Variants in AP3S2 observed in about 807,000 individuals in gnomAD.
The protein encoded by AP3S2 is AP-3 complex subunit sigma-2.
In AP3S2, 22 loss-of-function variants were observed where a neutral mutation model predicts 23.4. The observed-to-expected ratio is 0.94, with a 90% CI of 0.67 to 1.34. The LOEUF (loss-of-function observed/expected upper bound fraction) is 1.34. Among genes scored for constraint, AP3S2 ranks in the 40% most tolerant of loss-of-function variants. AP3S2 has a pLI of 0.00. For synonymous variants in AP3S2, 86 were observed against 87.1 expected (o/e 0.99, Z 0.07); for missense variants, 241 against 236.9 (o/e 1.02, Z -0.11).
At chr15:89,847,582 T>C (rs1199501083) in intron 4 of AP3S2, among the ~76,000 whole-genome samples, 1 of 152,068 alleles carries the variant, frequency 6.6e-6, no homozygotes, top group Non-Finnish European at 1.5e-5. Context: ...TCTTCAAGGG[T>C]TCCATCCCTG....
At chr15:89,859,365 CCTTCCTTCCTTCCTTCCTTCCT>C in intron 4 of AP3S2, among the ~76,000 whole-genome samples, 2 of 107,728 alleles carry the variant, frequency 1.9e-5, no homozygotes, top group Non-Finnish European at 3.6e-5. Context: ...TCCTTCCTTT[CCTTCCTTCCTTCCTTCCTTCCT>C]TTTCTTTCTT....
Position 89,872,961 on chromosome 15 carries a change from G to A in AP3S2, c.274-1415C>T, listed in dbSNP as rs1296581634. ...TTATGTATGCATGCTCTATGATCTA[G>A]GAATTCTACTCCCAGATAACATATC... On this transcript the variant is annotated intron_variant, in intron 3 of 5. Coordinates refer to ENST00000336418, the MANE Select transcript of AP3S2 (RefSeq NM_005829.5). Among the ~76,000 whole-genome samples the A allele has an allele frequency of 2.0e-5, 3 of 152,096 alleles. No homozygotes were observed. The East Asian group carries it at 5.8e-4, about 29-fold the overall frequency.
intron 1 of AP3S2, chr15:89,893,150 G>A (rs761473372): frequency 2.0e-5 from 3 of 152,242 alleles, no homozygotes; most frequent in Admixed American, 6.5e-5. Context: ...GCCTGAACAC[G>A]TTTTCTGGCT....
At chr15:89,851,248 T>G (rs1197446662) in intron 4 of AP3S2, among the ~76,000 whole-genome samples, 1 of 152,096 alleles carries the variant, frequency 6.6e-6, no homozygotes, top group African/African-American at 2.4e-5. Flanking sequence ...GCCTTAAAAC[T>G]AACTGGCAAT....
At position 89,888,904 on chromosome 15, in the gene AP3S2, T is replaced by A. The variant is rs967887670; in HGVS notation, c.161+145A>T. 3.3e-6 allele frequency: 3 copies of A among 919,868 alleles called. No homozygotes were observed. In the African/African-American group the frequency reaches 5.0e-5, roughly 15 times the overall value. 57.0% of individuals were successfully genotyped at this position (919,868 alleles called of 1,614,324 possible). ...AATTGAACTGCGCCCCAAAGAGAAT[T>A]GTGTCTCTCCCTGAGCAGATCATGG... On this transcript the variant is annotated intron_variant, in intron 2 of 5. Transcript: ENST00000336418.
At chr15:89,869,582 A>AAAG (rs1896267529) in intron 4 of AP3S2, among the ~76,000 whole-genome samples, 1 of 150,948 alleles carries the variant, frequency 6.6e-6, no homozygotes. Context: ...AAAAAAAAAA[A>AAAG]AAAAGAAAAC....
At chr15:89,884,772 G>A (rs971999510) in intron 3 of AP3S2, among the ~76,000 whole-genome samples, 25 of 151,370 alleles carry the variant, frequency 1.7e-4, no homozygotes, top group African/African-American at 5.3e-4. Context: ...TCAGCCTCCC[G>A]TGTAGCTGGG....
At chr15:89,865,996 T>A (rs902092365) in intron 4 of AP3S2, among the ~76,000 whole-genome samples, 1 of 152,050 alleles carries the variant, frequency 6.6e-6, no homozygotes, top group African/African-American at 2.4e-5. Context: ...GGTGGCTCAC[T>A]CACGCCTGTA....
chr15:89,859,687 G>A (rs534807341), intron 4 of AP3S2, among the ~76,000 whole-genome samples: 10 of 150,512 alleles, frequency 6.6e-5, no homozygotes, highest in South Asian at 2.1e-4. Flanking sequence ...GAGCCACCGC[G>A]CCCAGCCCTT....
At chr15:89,887,681 A>G (rs907267229) in intron 3 of AP3S2, among the ~76,000 whole-genome samples, 1 of 131,052 alleles carries the variant, frequency 7.6e-6, no homozygotes, top group Non-Finnish European at 1.7e-5. Context: ...TTAATTTATT[A>G]TTTTTTTGAG....
chr15:89,845,230 A>G (rs1459126437), intron 4 of AP3S2: 1 of 152,206 alleles, frequency 6.6e-6, no homozygotes, highest in Non-Finnish European at 1.5e-5. Context: ...TTTCTCCCTC[A>G]TAATTTAATC....
In AP3S2 at chr15:89,887,089, C is replaced by T. The variant is rs534003734; in HGVS notation, c.273+1432G>A. Among the ~76,000 whole-genome samples, 9 of 152,334 alleles carry T rather than the reference C, an allele frequency of 5.9e-5. No individual in the cohort carries two copies. The East Asian group carries it at 1.2e-3, about 20-fold the overall frequency. ...GGGATTACAGGTGTGAGCCACTGCA[C>T]CCCGCCTTGAGCTCTTTCTATTATG... On this transcript the variant is annotated intron_variant, in intron 3 of 5. Transcript: ENST00000336418.
At chr15:89,839,457 T>C (rs1022697010) in intron 4 of AP3S2, among the ~76,000 whole-genome samples, 1 of 152,240 alleles carries the variant, frequency 6.6e-6, no homozygotes, top group African/African-American at 2.4e-5. Flanking sequence ...TCATTAGCTA[T>C]ATGCAAATGA....
At chr15:89,862,749 A>G (rs1477142042) in intron 4 of AP3S2, among the ~76,000 whole-genome samples, 1 of 152,216 alleles carries the variant, frequency 6.6e-6, no homozygotes, top group Non-Finnish European at 1.5e-5. Context: ...GGCTCTGGAT[A>G]CGTGGCAAGA....
In AP3S2 at chr15:89,835,701, T is replaced by TA. The variant is rs5814404; in HGVS notation, c.454-59dup. The TA allele has an allele frequency of 4.7e-3, 4,837 of 1,038,478 alleles. 2 individuals carry two copies. Among genetic ancestry groups the TA allele is most frequent in the South Asian group, 8.5e-3 (370 of 43,476 alleles). The allele number at this position is 1,038,478 out of a possible 1,614,324, so 64.3% of individuals were successfully genotyped here. Reference sequence around the variant, plus strand: ...ATTCTCACTGTTATCTGCTTAATGCTAAAAAAAAAAAAAAAAAAAAAGCAA... The same window carrying TA: ...ATTCTCACTGTTATCTGCTTAATGCTAAAAAAAAAAAAAAAAAAAAAAGCAA... On this transcript the variant is annotated intron_variant, in intron 5 of 5. Coordinates refer to ENST00000336418, the MANE Select transcript of AP3S2 (RefSeq NM_005829.5).
chr15:89,887,562 G>A (rs939416015), intron 3 of AP3S2, among the ~76,000 whole-genome samples: 1 of 152,028 alleles, frequency 6.6e-6, no homozygotes, highest in Non-Finnish European at 1.5e-5. Flanking sequence ...AGTAGAGACC[G>A]GGTTTCACCA....
chr15:89,853,392 T>G (rs968362256), intron 4 of AP3S2, among the ~76,000 whole-genome samples: 4 of 152,260 alleles, frequency 2.6e-5, no homozygotes, highest in Admixed American at 2.0e-4. Flanking sequence ...CTTCACTGAT[T>G]GTAAAACATA....
chr15:89,836,367 A>G (rs754437692), intron 5 of AP3S2, among the ~76,000 whole-genome samples: 4 of 152,168 alleles, frequency 2.6e-5, no homozygotes, highest in Admixed American at 1.3e-4. Flanking sequence ...TCCTCAAGAG[A>G]CCAAAGACTC....
intron 4 of AP3S2, among the ~76,000 whole-genome samples, chr15:89,868,374 T>C (rs1271923560): frequency 0.012 from 399 of 31,926 alleles, no homozygotes; most frequent in African/African-American, 0.013. Context: ...CCAGCCGCCC[T>C]GTCCGGGAGG....
Sources: gnomAD v4.1 joint callset for allele counts (sites outside exome capture counted in the v4.1 genomes callset) on GRCh38, gnomAD v4.1.1 for gene constraint, MANE v1.5 for transcripts, NCBI Gene and HGNC (gene_info 2026-07-23, HGNC 2026-07-21) for gene names.